NPAS3: variants seen among roughly 807,000 people sequenced by gnomAD.
NPAS3 encodes the protein neuronal PAS domain protein 3, also known as neuronal PAS domain-containing protein 3.
In NPAS3, 14 loss-of-function variants were observed where a neutral mutation model predicts 73.1. The observed-to-expected ratio is 0.19, with a 90% CI of 0.13 to 0.30. The LOEUF (loss-of-function observed/expected upper bound fraction) is 0.30, where lower values mean the gene tolerates loss of function less well. Among genes scored for constraint, NPAS3 ranks in the 10% least tolerant of loss-of-function variants. The probability of loss-of-function intolerance (pLI) is 1.00; values close to 1 mark genes in which losing one functional copy is unlikely to be tolerated. For missense variants in NPAS3, 1,096 were observed against 1,250.0 expected (o/e 0.88, Z 1.86); for synonymous variants, 620 against 541.5 (o/e 1.14, Z -2.01).
intron 3 of NPAS3, among the ~76,000 whole-genome samples, chr14:33,317,830 A>G (rs771469109): frequency 1.8e-4 from 28 of 152,090 alleles, no homozygotes; most frequent in Non-Finnish European, 3.5e-4. Context: ...TAATACACCA[A>G]GGCATCAGCT....
intron 4 of NPAS3, among the ~76,000 whole-genome samples, chr14:33,548,075 A>G (rs1269878503): frequency 6.6e-6 from 1 of 152,232 alleles, no homozygotes; most frequent in African/African-American, 2.4e-5. Flanking sequence ...AATACTTGGA[A>G]ATTAATCAGT....
At chr14:33,217,741 T>C (rs1566688590) in intron 3 of NPAS3, among the ~76,000 whole-genome samples, 2 of 152,162 alleles carry the variant, frequency 1.3e-5, no homozygotes, top group South Asian at 2.1e-4. Context: ...CATGGCCTTT[T>C]AGGCATGCGA....
At position 33,727,393 on chromosome 14, in the gene NPAS3, A is replaced by G. The variant is rs185968215; in HGVS notation, c.734-7821A>G. On this transcript the variant is annotated intron_variant, in intron 6 of 11. Transcript: ENST00000356141. ...AACAGCCTGAAGGATAGAAAAAAATATATTTGTAGCTCATAATAACTATTG... is the reference window on the plus strand; with the variant it reads ...AACAGCCTGAAGGATAGAAAAAAATGTATTTGTAGCTCATAATAACTATTG... Among the ~76,000 whole-genome samples the G allele has an allele frequency of 4.6e-5, 7 of 152,302 alleles. No individual in the cohort carries two copies. In the East Asian group the frequency reaches 1.4e-3, roughly 29 times the overall value.
At chr14:33,360,388 C>G (rs2045544172) in intron 3 of NPAS3, among the ~76,000 whole-genome samples, 1 of 152,146 alleles carries the variant, frequency 6.6e-6, no homozygotes, top group Non-Finnish European at 1.5e-5. Context: ...CCAGCACACT[C>G]CATATCTCTG....
chr14:33,406,393 T>C (rs1257602723), intron 4 of NPAS3, among the ~76,000 whole-genome samples: 1 of 152,060 alleles, frequency 6.6e-6, no homozygotes, highest in Non-Finnish European at 1.5e-5. Flanking sequence ...GAAGAAGAGT[T>C]CGCCTGCTTT....
At chr14:33,038,535 A>T in intron 1 of NPAS3, among the ~76,000 whole-genome samples, 1 of 101,040 alleles carries the variant, frequency 9.9e-6, no homozygotes, top group Admixed American at 1.1e-4. Flanking sequence ...ACACACATAT[A>T]TACACATATA....
intron 3 of NPAS3, among the ~76,000 whole-genome samples, chr14:33,296,728 A>T (rs150395565): frequency 6.6e-6 from 1 of 152,208 alleles, no homozygotes; most frequent in East Asian, 1.9e-4. Context: ...TTCTTGGTTC[A>T]CGTAGAAGCA....
At chr14:33,044,674 G>C (rs2040446926) in intron 1 of NPAS3, among the ~76,000 whole-genome samples, 1 of 151,354 alleles carries the variant, frequency 6.6e-6, no homozygotes, top group Non-Finnish European at 1.5e-5. Context: ...TTTTTGGCGG[G>C]GAGGGCAGAA....
intron 4 of NPAS3, among the ~76,000 whole-genome samples, chr14:33,422,378 G>T (rs989900112): frequency 2.0e-5 from 3 of 151,840 alleles, no homozygotes; most frequent in African/African-American, 7.3e-5. Flanking sequence ...TAACAAGAAG[G>T]TCTGAGAAAG....
At chr14:33,759,706 TGGAAGA>T (rs2062224142) in intron 7 of NPAS3, among the ~76,000 whole-genome samples, 1 of 152,238 alleles carries the variant, frequency 6.6e-6, no homozygotes, top group African/African-American at 2.4e-5. Context: ...ATAACTATAA[TGGAAGA>T]TTGTCATTAT....
rs1299682207 is a variant in NPAS3, at chr14:33,534,218, A to T, written c.469-25903A>T. Among the ~76,000 whole-genome samples, 7 of 1,978 alleles carry T rather than the reference A, an allele frequency of 3.5e-3. No homozygotes were observed. The East Asian group carries it at 0.059, about 17-fold the overall frequency. 1.3% of individuals were successfully genotyped at this position (1,978 alleles called of 152,430 possible). On this transcript the variant is annotated intron_variant, in intron 4 of 11. Coordinates refer to ENST00000356141, the Ensembl canonical transcript of NPAS3. ...GGTACTTACTATTTCACAGAGCAGT[A>T]AAAAAAAAAAAAAAAAACTCCTTAT...
intron 3 of NPAS3, among the ~76,000 whole-genome samples, chr14:33,298,573 T>C (rs1225094274): frequency 6.6e-6 from 1 of 152,176 alleles, no homozygotes; most frequent in East Asian, 1.9e-4. Context: ...AATATGTTTA[T>C]TTCTACCTCT....
intron 1 of NPAS3, among the ~76,000 whole-genome samples, chr14:32,942,448 A>G (rs1053412502): frequency 6.6e-6 from 1 of 152,234 alleles, no homozygotes; most frequent in African/African-American, 2.4e-5. Flanking sequence ...TGAATTACAT[A>G]TACAGAAAGT....
At chr14:33,184,387 C>T (rs76639009) in intron 2 of NPAS3, among the ~76,000 whole-genome samples, 3,775 of 152,046 alleles carry the variant, frequency 0.025, 148 homozygotes, top group African/African-American at 0.086. Context: ...GTTCAAGGAG[C>T]GTAATGGAGA....
At position 33,601,508 on chromosome 14, in the gene NPAS3, T is replaced by G. The variant is rs1233491240; in HGVS notation, c.558+41298T>G. 2.6e-5 allele frequency among the ~76,000 whole-genome samples: 4 copies of G among 152,246 alleles called. No individual in the cohort carries two copies. In the East Asian group the frequency reaches 5.8e-4, roughly 22 times the overall value. On this transcript the variant is annotated intron_variant, in intron 5 of 11. Transcript: ENST00000356141. ...TAGGTAGTCCTAGAATTATTTAAAC[T>G]GGAAAACCAGCTTGGAGATAGGGAT... is the stretch of plus-strand genomic sequence containing the variant.
At chr14:33,028,574 G>A (rs1389828137) in intron 1 of NPAS3, among the ~76,000 whole-genome samples, 2 of 152,136 alleles carry the variant, frequency 1.3e-5, no homozygotes, top group South Asian at 2.1e-4. Context: ...GGACTCTGTG[G>A]AATTTATATT....
chr14:33,450,887 T>A (rs1054535499), intron 4 of NPAS3, among the ~76,000 whole-genome samples: 3 of 152,218 alleles, frequency 2.0e-5, no homozygotes, highest in African/African-American at 7.2e-5. Flanking sequence ...ACATAAAAAC[T>A]CAAAATATTA....
At chr14:32,948,039 G>A (rs1007925863) in intron 1 of NPAS3, among the ~76,000 whole-genome samples, 2 of 152,070 alleles carry the variant, frequency 1.3e-5, no homozygotes, top group Admixed American at 6.6e-5. Context: ...AGAAACGTGA[G>A]GATTCCTCTA....
chr14:33,555,243 T>A (rs1426908416), intron 4 of NPAS3, among the ~76,000 whole-genome samples: 1 of 152,218 alleles, frequency 6.6e-6, no homozygotes, highest in Non-Finnish European at 1.5e-5. Context: ...TCCCATCTGC[T>A]TTGAGGAAAG....
Sources: allele counts gnomAD v4.1 joint callset (sites outside exome capture counted in the v4.1 genomes callset), GRCh38; gene constraint gnomAD v4.1.1; transcripts MANE v1.5; gene names NCBI Gene and HGNC (gene_info 2026-07-23, HGNC 2026-07-21).